Variants in LINGO2 observed in about 807,000 individuals in gnomAD.
LINGO2 encodes leucine rich repeat and Ig domain containing 2, also known as leucine-rich repeat and immunoglobulin-like domain-containing nogo receptor-interacting protein 2.
LINGO2 carries 14 observed loss-of-function variants against 30.6 expected under a neutral mutation model. That is an observed-to-expected ratio of 0.46 (90% CI 0.30 to 0.72). The LOEUF (loss-of-function observed/expected upper bound fraction) is 0.72. Ranked by LOEUF, LINGO2 falls within the 30% of genes least tolerant of loss-of-function variation. The probability of loss-of-function intolerance (pLI) is 0.07; values close to 1 mark genes in which losing one functional copy is unlikely to be tolerated. For missense variants in LINGO2, 729 were observed against 751.7 expected (o/e 0.97, Z 0.35); for synonymous variants, 317 against 288.5 (o/e 1.10, Z -1.00).
At chr9:28,785,121 T>C in the LINGO2 span, among the ~76,000 whole-genome samples, 1 of 152,170 alleles carries the variant, frequency 6.6e-6, no homozygotes, top group Admixed American at 6.5e-5. Context: ...AGAAGGACAA[T>C]ATAAATTATA....
chr9:28,249,468 G>A (rs775839851), intron 4 of LINGO2, among the ~76,000 whole-genome samples: 11 of 152,172 alleles, frequency 7.2e-5, no homozygotes, highest in East Asian at 1.9e-4. Flanking sequence ...TATTGAAAAC[G>A]TAGAATAAAA....
the LINGO2 span, among the ~76,000 whole-genome samples, chr9:29,079,590 TG>T: frequency 6.6e-6 from 1 of 151,816 alleles, no homozygotes; most frequent in Non-Finnish European, 1.5e-5. Context: ...GAGAAGCCTA[TG>T]GAAAATATTT....
chr9:29,175,491 A>C, the LINGO2 span, among the ~76,000 whole-genome samples: 12 of 151,404 alleles, frequency 7.9e-5, no homozygotes, highest in South Asian at 2.5e-3. Flanking sequence ...GAGGCTGCTC[A>C]TAACCAACTT....
chr9:28,463,515 T>C (rs188295131), intron 2 of LINGO2, among the ~76,000 whole-genome samples: 2 of 152,178 alleles, frequency 1.3e-5, no homozygotes, highest in Admixed American at 6.5e-5. Flanking sequence ...GACAAAAAGA[T>C]CAAGTAATGT....
chr9:28,102,206 G>C (rs914086548), intron 4 of LINGO2, among the ~76,000 whole-genome samples: 14 of 151,766 alleles, frequency 9.2e-5, no homozygotes, highest in African/African-American at 3.4e-4. Flanking sequence ...AATATTTCTG[G>C]TGGGACTATG....
chr9:28,968,368 A>G, the LINGO2 span, among the ~76,000 whole-genome samples: 1 of 152,166 alleles, frequency 6.6e-6, no homozygotes, highest in South Asian at 2.1e-4. Flanking sequence ...CTAGGAGATG[A>G]AGAATCACAG....
intron 1 of LINGO2, among the ~76,000 whole-genome samples, chr9:28,578,606 G>A (rs1179367263): frequency 6.6e-6 from 1 of 152,032 alleles, no homozygotes; most frequent in East Asian, 1.9e-4. Flanking sequence ...TGTTAAACAA[G>A]TCCATGTTTC....
At chr9:28,685,816 T>C in the LINGO2 span, among the ~76,000 whole-genome samples, 2 of 152,040 alleles carry the variant, frequency 1.3e-5, no homozygotes, top group Non-Finnish European at 2.9e-5. Context: ...GGTATGTGAG[T>C]CTAGACATAC....
chr9:28,408,419 T>C (rs1345332973), intron 2 of LINGO2, among the ~76,000 whole-genome samples: 1 of 152,136 alleles, frequency 6.6e-6, no homozygotes, highest in Non-Finnish European at 1.5e-5. Context: ...CTTTTATTTC[T>C]ACATCAGGGA....
intron 4 of LINGO2, among the ~76,000 whole-genome samples, chr9:28,088,529 G>C (rs562329406): frequency 6.6e-6 from 1 of 152,092 alleles, no homozygotes; most frequent in African/African-American, 2.4e-5. Flanking sequence ...TGGATGAAAT[G>C]TAGGTATATC....
chr9:28,880,734 T>C, the LINGO2 span, among the ~76,000 whole-genome samples: 1 of 152,162 alleles, frequency 6.6e-6, no homozygotes, highest in South Asian at 2.1e-4. Context: ...CCCTGGGAAC[T>C]GAATGTCTTG....
intron 1 of LINGO2, among the ~76,000 whole-genome samples, chr9:28,527,623 A>G (rs1821084317): frequency 6.6e-6 from 1 of 152,106 alleles, no homozygotes; most frequent in Non-Finnish European, 1.5e-5. Flanking sequence ...CCTTCCTCCA[A>G]GTCTTCTGTG....
At chr9:28,037,722 CGAAT>C (rs1400289092) in intron 4 of LINGO2, among the ~76,000 whole-genome samples, 12 of 152,178 alleles carry the variant, frequency 7.9e-5, no homozygotes, top group Non-Finnish European at 1.3e-4. Flanking sequence ...AATAAATTAG[CGAAT>C]GAATGAATTA....
chr9:28,359,162 G>A (rs1402143113), intron 3 of LINGO2, among the ~76,000 whole-genome samples: 4 of 152,122 alleles, frequency 2.6e-5, no homozygotes, highest in Non-Finnish European at 5.9e-5. Context: ...GTTTTGGATA[G>A]GGGATGAACA....
intron 3 of LINGO2, among the ~76,000 whole-genome samples, chr9:28,302,824 A>G (rs1824200171): frequency 6.6e-6 from 1 of 152,214 alleles, no homozygotes; most frequent in African/African-American, 2.4e-5. Flanking sequence ...CTTTACATAC[A>G]TGTTCTCATT....
intron 2 of LINGO2, among the ~76,000 whole-genome samples, chr9:28,396,505 C>A (rs962752603): frequency 1.3e-5 from 2 of 151,826 alleles, no homozygotes; most frequent in Non-Finnish European, 2.9e-5. Flanking sequence ...GAGATCAAGA[C>A]CATCCAGGCT....
intron 1 of LINGO2, among the ~76,000 whole-genome samples, chr9:28,482,831 T>C (rs900467099): frequency 7.2e-5 from 11 of 152,068 alleles, no homozygotes; most frequent in Admixed American, 1.3e-4. Flanking sequence ...TTACACCTTA[T>C]ACAAAAATTA....
At chr9:29,190,651 G>T in the LINGO2 span, among the ~76,000 whole-genome samples, 2 of 152,016 alleles carry the variant, frequency 1.3e-5, no homozygotes, top group Non-Finnish European at 1.5e-5. Context: ...TCAAAGAAAA[G>T]TATAAAACAA....
intron 4 of LINGO2, among the ~76,000 whole-genome samples, chr9:28,066,108 A>C (rs1363010287): frequency 1.3e-5 from 2 of 152,048 alleles, no homozygotes; most frequent in Admixed American, 6.6e-5. Context: ...AAGCCCCTGG[A>C]AGTCTTCAGT....
Sources: gnomAD v4.1 joint callset for allele counts (sites outside exome capture counted in the v4.1 genomes callset) on GRCh38, gnomAD v4.1.1 for gene constraint, MANE v1.5 for transcripts, NCBI Gene and HGNC (gene_info 2026-07-23, HGNC 2026-07-21) for gene names.